PDZRN4: variants seen among roughly 807,000 people sequenced by gnomAD.
The protein encoded by PDZRN4 is PDZ domain-containing RING finger protein 4.
Under a neutral mutation model 99.0 loss-of-function variants are expected in PDZRN4, and 70 were observed. That is an observed-to-expected ratio of 0.71 (90% CI 0.58 to 0.86). The LOEUF is 0.86. PDZRN4 is among the 40% of genes least tolerant of loss of function. The pLI is 0.00. For missense variants in PDZRN4, 1,474 were observed against 1,331.2 expected (o/e 1.11, Z -1.67); for synonymous variants, 551 against 501.6 (o/e 1.10, Z -1.32).
At chr12:41,537,537 GGAATAGTAGCA>G (rs940525238) in intron 5 of PDZRN4, among the ~76,000 whole-genome samples, 22 of 152,120 alleles carry the variant, frequency 1.4e-4, no homozygotes. Flanking sequence ...ATGTGTGAGT[GGAATAGTAGCA>G]GATTTGGGGG....
In PDZRN4 at chr12:41,457,650, T is replaced by C. The variant is rs560723558; in HGVS notation, c.844-48806T>C. Among the ~76,000 whole-genome samples, 52 of 152,344 alleles carry C rather than the reference T, an allele frequency of 3.4e-4. 1 individual carries two copies. The highest frequency in any genetic ancestry group is 1.2e-3 in the African/African-American group (49 of 41,588). On this transcript the variant is annotated intron_variant, in intron 3 of 9. Coordinates refer to ENST00000402685, the MANE Select transcript of PDZRN4 (RefSeq NM_001164595.2). ...GGACCAAGATCTTTTCCATCAATGCTTATTTTCCTTGTACCAATGTCAGAA... is the reference window on the plus strand; with the variant it reads ...GGACCAAGATCTTTTCCATCAATGCCTATTTTCCTTGTACCAATGTCAGAA...
chr12:41,491,366 C>CA (rs1326178260), intron 3 of PDZRN4, among the ~76,000 whole-genome samples: 5 of 151,878 alleles, frequency 3.3e-5, no homozygotes, highest in East Asian at 3.9e-4. Flanking sequence ...AATAAAAATA[C>CA]AAAAAATTGG....
chr12:41,394,890 G>A (rs1952235877), intron 3 of PDZRN4, among the ~76,000 whole-genome samples: 1 of 152,132 alleles, frequency 6.6e-6, no homozygotes, highest in Non-Finnish European at 1.5e-5. Context: ...AACCTAATTT[G>A]AGAGTGGCAC....
At chr12:41,431,137 A>T (rs929613106) in intron 3 of PDZRN4, among the ~76,000 whole-genome samples, 2 of 152,200 alleles carry the variant, frequency 1.3e-5, no homozygotes, top group Admixed American at 6.5e-5. Flanking sequence ...TTGGGTGGGG[A>T]CACAGATCCA....
In PDZRN4 at chr12:41,244,824, A is replaced by G. The variant is rs1951124017; in HGVS notation, c.843+50636A>G. 2.0e-5 allele frequency among the ~76,000 whole-genome samples: 3 copies of G among 147,648 alleles called. No homozygotes were observed. The South Asian group carries it at 6.5e-4, about 32-fold the overall frequency. On this transcript the variant is annotated intron_variant, in intron 3 of 9. Coordinates refer to ENST00000402685, the MANE Select transcript of PDZRN4 (RefSeq NM_001164595.2). ...CTCAGCCTCCCGAGTAGCTGGGACT[A>G]CAGGCGCCCGCCACCGCGCCCGGCT... is the stretch of plus-strand genomic sequence containing the variant.
At chr12:41,431,451 GAAAC>G (rs1434552883) in intron 3 of PDZRN4, among the ~76,000 whole-genome samples, 1 of 152,160 alleles carries the variant, frequency 6.6e-6, no homozygotes, top group African/African-American at 2.4e-5. Flanking sequence ...ACTGACTCCA[GAAAC>G]CATGCTTAAC....
At chr12:41,392,908 C>A (rs1481144114) in intron 3 of PDZRN4, among the ~76,000 whole-genome samples, 2 of 152,148 alleles carry the variant, frequency 1.3e-5, no homozygotes, top group African/African-American at 4.8e-5. Flanking sequence ...CAAAGCAATG[C>A]TCTTAGCCAC....
intron 3 of PDZRN4, among the ~76,000 whole-genome samples, chr12:41,331,301 C>T (rs922476293): frequency 3.3e-5 from 5 of 152,120 alleles, no homozygotes; most frequent in Non-Finnish European, 7.4e-5. Context: ...TTCTATATTT[C>T]GGTAGGTTTA....
chr12:41,282,239 A>T (rs1951390969), intron 3 of PDZRN4, among the ~76,000 whole-genome samples: 1 of 152,226 alleles, frequency 6.6e-6, no homozygotes, highest in African/African-American at 2.4e-5. Context: ...CTGATAAAAC[A>T]GACTTTAAAC....
chr12:41,345,670 A>G (rs1951847987), intron 3 of PDZRN4, among the ~76,000 whole-genome samples: 1 of 152,190 alleles, frequency 6.6e-6, no homozygotes, highest in Non-Finnish European at 1.5e-5. Context: ...GAGTTGCAAA[A>G]TAATTTGATC....
chr12:41,246,638 C>T (rs1951135532), intron 3 of PDZRN4, among the ~76,000 whole-genome samples: 1 of 152,088 alleles, frequency 6.6e-6, no homozygotes, highest in African/African-American at 2.4e-5. Flanking sequence ...ACTGCAGGGG[C>T]TTGACATCAC....
chr12:41,278,383 A>C (rs1485817801), intron 3 of PDZRN4, among the ~76,000 whole-genome samples: 1 of 152,186 alleles, frequency 6.6e-6, no homozygotes. Context: ...AATCATTGAG[A>C]TGGGTTAATG....
chr12:41,552,304 C>T (rs1939071923), intron 5 of PDZRN4, among the ~76,000 whole-genome samples: 1 of 152,080 alleles, frequency 6.6e-6, no homozygotes, highest in Admixed American at 6.6e-5. Flanking sequence ...CATTTTGCCA[C>T]TAACTTTGAC....
At chr12:41,497,401 GA>G (rs1381215523) in intron 3 of PDZRN4, among the ~76,000 whole-genome samples, 1 of 152,014 alleles carries the variant, frequency 6.6e-6, no homozygotes, top group East Asian at 1.9e-4. Flanking sequence ...GTCTCCATCT[GA>G]ATTCCTTGTT....
intron 5 of PDZRN4, among the ~76,000 whole-genome samples, chr12:41,538,486 G>A (rs979613838): frequency 6.6e-5 from 10 of 152,054 alleles, no homozygotes; most frequent in South Asian, 2.1e-4. Flanking sequence ...GGTTAATTTC[G>A]ATGATCCATG....
chr12:41,211,432 G>C (rs1591969679), intron 3 of PDZRN4, among the ~76,000 whole-genome samples: 1 of 151,780 alleles, frequency 6.6e-6, no homozygotes, highest in East Asian at 1.9e-4. Context: ...CTTTTCCTTT[G>C]TGGCACTTAC....
intron 3 of PDZRN4, among the ~76,000 whole-genome samples, chr12:41,316,723 A>G (rs545428381): frequency 6.6e-6 from 1 of 152,052 alleles, no homozygotes; most frequent in East Asian, 1.9e-4. Flanking sequence ...ATTACCTCCT[A>G]TAAAAGAAAC....
At chr12:41,259,608 C>T (rs1254112922) in intron 3 of PDZRN4, among the ~76,000 whole-genome samples, 1 of 152,084 alleles carries the variant, frequency 6.6e-6, no homozygotes, top group Non-Finnish European at 1.5e-5. Context: ...CAGACTATAA[C>T]CACATCTGTG....
chr12:41,345,951 GTTA>G (rs1951850556), intron 3 of PDZRN4, among the ~76,000 whole-genome samples: 1 of 151,934 alleles, frequency 6.6e-6, no homozygotes, highest in African/African-American at 2.4e-5. Context: ...AATAATATTA[GTTA>G]TTATTCTTAT....
Sources: allele counts gnomAD v4.1 joint callset (sites outside exome capture counted in the v4.1 genomes callset), GRCh38; gene constraint gnomAD v4.1.1; transcripts MANE v1.5; gene names NCBI Gene and HGNC (gene_info 2026-07-23, HGNC 2026-07-21).